ATE1: variants seen among roughly 807,000 people sequenced by gnomAD.
ATE1 encodes the protein arginyl-tRNA--protein transferase 1.
A neutral mutation model predicts 70.5 loss-of-function variants in ATE1; 36 were observed. The ratio of observed to expected loss-of-function variants is 0.51; its 90% CI spans 0.39 to 0.67. The LOEUF (loss-of-function observed/expected upper bound fraction) is 0.67. Among genes scored for constraint, ATE1 ranks in the 30% least tolerant of loss-of-function variants. ATE1 has a pLI of 0.00. For missense variants in ATE1, 593 were observed against 629.5 expected, an observed-to-expected ratio of 0.94 and a Z score of 0.62; for synonymous variants, 232 against 219.3, an observed-to-expected ratio of 1.06 and a Z score of -0.51.
chr10:121,754,345 C>T (rs1944709116), intron 11 of ATE1, among the ~76,000 whole-genome samples: 1 of 152,148 alleles, frequency 6.6e-6, no homozygotes, highest in Non-Finnish European at 1.5e-5. Flanking sequence ...TAAGATGAGT[C>T]TGAAATATTT....
intron 7 of ATE1, among the ~76,000 whole-genome samples, chr10:121,877,167 C>T (rs560262045): frequency 1.3e-5 from 2 of 152,206 alleles, no homozygotes; most frequent in East Asian, 3.9e-4. Flanking sequence ...ACAGGAAGAT[C>T]ATTTGCCATA....
chr10:121,815,161 G>A (rs546900094), intron 10 of ATE1, among the ~76,000 whole-genome samples: 10 of 152,272 alleles, frequency 6.6e-5, no homozygotes, highest in South Asian at 2.1e-4. Context: ...TTTTTGAGAC[G>A]GAGTCTCGCT....
At chr10:121,922,048 A>G (rs1009309738) in intron 3 of ATE1, among the ~76,000 whole-genome samples, 6 of 152,188 alleles carry the variant, frequency 3.9e-5, no homozygotes, top group African/African-American at 1.4e-4. Flanking sequence ...TCCAAAAGTA[A>G]TGTGAATATT....
chr10:121,802,158 T>A (rs1185331210), intron 10 of ATE1, among the ~76,000 whole-genome samples: 5 of 152,094 alleles, frequency 3.3e-5, no homozygotes, highest in African/African-American at 9.6e-5. Flanking sequence ...TTGCCAAAGC[T>A]CTCCAGTCGA....
rs767219587 is a variant in ATE1 at position 121,927,955 on chromosome 10, CG to C, written c.-7del. 11 of 1,533,578 alleles carry C rather than the reference CG, an allele frequency of 7.2e-6. No individual in the cohort carries two copies. Among genetic ancestry groups the C allele is most frequent in the Non-Finnish European group, 9.6e-6 (11 of 1,141,976 alleles). 95.0% of individuals were successfully genotyped at this position (1,533,578 alleles called of 1,614,324 possible). On this transcript the variant is annotated 5_prime_UTR_variant, in exon 1 of 12. Transcript: ENST00000224652. ...CCCCCCGCCCAGAAAGCCATGGCCTCGGCCCCGCGAACGCTCAGCCGCCCGG... is the reference window on the plus strand; with the variant it reads ...CCCCCCGCCCAGAAAGCCATGGCCTCGCCCCGCGAACGCTCAGCCGCCCGG...
chr10:121,922,267 T>C, intron 3 of ATE1, 82 bp downstream of exon 3: 4 of 996,976 alleles, frequency 4.0e-6, no homozygotes, highest in Non-Finnish European at 6.1e-6. Flanking sequence ...GAAATAAACA[T>C]TAAAAAAGCA....
chr10:121,813,745 G>T (rs1564859803), intron 10 of ATE1, among the ~76,000 whole-genome samples: 1 of 152,178 alleles, frequency 6.6e-6, no homozygotes, highest in Non-Finnish European at 1.5e-5. Flanking sequence ...TGTCCCCTCA[G>T]CAGCAGGAGG....
chr10:121,910,347 C>A (rs1384213762), intron 5 of ATE1, among the ~76,000 whole-genome samples: 1 of 152,098 alleles, frequency 6.6e-6, no homozygotes, highest in Non-Finnish European at 1.5e-5. Context: ...GTCATATACA[C>A]ACATATTAAA....
chr10:121,919,267 G>A (rs562001291), intron 3 of ATE1, among the ~76,000 whole-genome samples: 4 of 152,160 alleles, frequency 2.6e-5, no homozygotes, highest in Admixed American at 1.3e-4. Flanking sequence ...TGAAGTGAGC[G>A]AGACCAAGAA....
At chr10:121,836,568 G>A (rs140713697) in intron 10 of ATE1, 150 bp downstream of exon 10, 1 of 539,864 alleles carries the variant, frequency 1.9e-6, no homozygotes, top group Non-Finnish European at 3.3e-6. Context: ...TCTCATTACA[G>A]AGAGCTTAAT....
intron 8 of ATE1, among the ~76,000 whole-genome samples, chr10:121,847,440 T>C (rs1948872240): frequency 6.8e-6 from 1 of 147,870 alleles, no homozygotes; most frequent in Non-Finnish European, 1.5e-5. Context: ...AGAGCGAGAC[T>C]CTGTCTCAAA....
intron 8 of ATE1, among the ~76,000 whole-genome samples, chr10:121,851,827 C>T (rs1166490133): frequency 6.6e-6 from 1 of 152,192 alleles, no homozygotes; most frequent in Non-Finnish European, 1.5e-5. Flanking sequence ...TAATAAATTT[C>T]ACCTCTACCT....
intron 10 of ATE1, among the ~76,000 whole-genome samples, chr10:121,806,813 T>C (rs536536389): frequency 6.6e-6 from 1 of 152,350 alleles, no homozygotes; most frequent in East Asian, 1.9e-4. Flanking sequence ...AACTGGTGAC[T>C]TCAGGTGAAC....
intron 10 of ATE1, among the ~76,000 whole-genome samples, chr10:121,809,768 G>C (rs537523371): frequency 5.8e-4 from 88 of 152,108 alleles, no homozygotes; most frequent in African/African-American, 2.0e-3. Context: ...AGGTGGAAGA[G>C]ACTGGGACAT....
At chr10:121,848,593 G>C (rs1483714882) in intron 8 of ATE1, among the ~76,000 whole-genome samples, 1 of 148,274 alleles carries the variant, frequency 6.7e-6, no homozygotes, top group Non-Finnish European at 1.5e-5. Flanking sequence ...ACTCCAGCCT[G>C]GGCAACAAGA....
chr10:121,780,944 C>G (rs1462776548), intron 11 of ATE1, among the ~76,000 whole-genome samples: 1 of 152,172 alleles, frequency 6.6e-6, no homozygotes, highest in East Asian at 1.9e-4. Context: ...CTGGCACCTC[C>G]CATTAGCATA....
intron 11 of ATE1, among the ~76,000 whole-genome samples, chr10:121,746,828 G>A (rs1944392253): frequency 1.3e-5 from 2 of 151,922 alleles, no homozygotes; most frequent in East Asian, 1.9e-4. Context: ...TTAATCAGGA[G>A]AAATCATCCA....
intron 8 of ATE1, among the ~76,000 whole-genome samples, chr10:121,858,512 G>A (rs1485539221): frequency 1.3e-5 from 2 of 151,200 alleles, no homozygotes; most frequent in Admixed American, 6.6e-5. Flanking sequence ...ATTTTAAAAC[G>A]TAAATTAATG....
chr10:121,896,127 C>T (rs1157513837), intron 7 of ATE1, among the ~76,000 whole-genome samples: 2 of 152,146 alleles, frequency 1.3e-5, no homozygotes, highest in Non-Finnish European at 2.9e-5. Context: ...GTCATTTTAA[C>T]GTATTCCTTT....
Sources: gnomAD v4.1 joint callset for allele counts (sites outside exome capture counted in the v4.1 genomes callset) on GRCh38, gnomAD v4.1.1 for gene constraint, MANE v1.5 for transcripts, NCBI Gene and HGNC (gene_info 2026-07-23, HGNC 2026-07-21) for gene names.